STAU2: variants seen among roughly 807,000 people sequenced by gnomAD.
STAU2 encodes double-stranded RNA-binding protein Staufen homolog 2.
A neutral mutation model predicts 65.9 loss-of-function variants in STAU2; 20 were observed. The observed-to-expected ratio is 0.30, with a 90% CI of 0.21 to 0.44. The LOEUF is 0.44. Ranked by LOEUF, STAU2 falls within the 20% of genes least tolerant of loss-of-function variation. The pLI is 1.00. For missense variants in STAU2, 558 were observed against 683.9 expected, an observed-to-expected ratio of 0.82 and a Z score of 2.05; for synonymous variants, 232 against 233.9, an observed-to-expected ratio of 0.99 and a Z score of 0.07.
chr8:73,691,963 A>G (rs901365564), intron 4 of STAU2, among the ~76,000 whole-genome samples: 16 of 152,354 alleles, frequency 1.1e-4, no homozygotes, highest in African/African-American at 3.4e-4. Flanking sequence ...AGCCATGGTT[A>G]GAAACTTCAT....
rs181355186 is a variant in STAU2 at position 73,471,072 on chromosome 8, G to A, written c.1531-48370C>T. ...TTCCTCTAAATCAGTACTCCCTAAT[G>A]CTACTTTATAGTGAACTCGATTTTC... is the stretch of plus-strand genomic sequence containing the variant. On this transcript the variant is annotated intron_variant, in intron 13 of 14. Coordinates refer to ENST00000524300, the MANE Select transcript of STAU2 (RefSeq NM_001164380.2). Among the ~76,000 whole-genome samples, 156 of 151,634 alleles carry A rather than the reference G, an allele frequency of 1.0e-3. 1 individual carries two copies. Among genetic ancestry groups the A allele is most frequent in the African/African-American group, 3.6e-3 (149 of 41,314 alleles).
intron 3 of STAU2, 151 bp downstream of exon 3, chr8:73,738,133 C>T: frequency 1.4e-6 from 1 of 703,542 alleles, no homozygotes; most frequent in Non-Finnish European, 2.4e-6. Flanking sequence ...CTGCCCTACA[C>T]AGCCTCCAAT....
chr8:73,536,975 G>C (rs1353910339), intron 13 of STAU2, among the ~76,000 whole-genome samples: 2 of 152,186 alleles, frequency 1.3e-5, no homozygotes, highest in African/African-American at 4.8e-5. Flanking sequence ...AGATGTCACA[G>C]ATGATAGACT....
chr8:73,526,931 T>G (rs1805492569), intron 13 of STAU2, among the ~76,000 whole-genome samples: 1 of 152,208 alleles, frequency 6.6e-6, no homozygotes, highest in Non-Finnish European at 1.5e-5. Flanking sequence ...TGGGACTAAG[T>G]TGATGGTTCT....
chr8:73,582,898 G>C, intron 11 of STAU2, 68 bp from the exon 12 acceptor site: 1 of 1,456,472 alleles, frequency 6.9e-7, no homozygotes, highest in Non-Finnish European at 9.5e-7. Context: ...AAAAAAAGGT[G>C]ACCAATTAAG....
chr8:73,526,966 T>A (rs1805494408), intron 13 of STAU2, among the ~76,000 whole-genome samples: 1 of 152,234 alleles, frequency 6.6e-6, no homozygotes, highest in South Asian at 2.1e-4. Flanking sequence ...TTGTTCTACA[T>A]ACAGTCACAT....
At chr8:73,675,350 A>T (rs1817959973) in intron 5 of STAU2, 1 of 142,854 alleles carries the variant, frequency 7.0e-6, no homozygotes, top group Non-Finnish European at 1.5e-5. Flanking sequence ...CTGAAAGAGC[A>T]CAAATAAGAC....
At chr8:73,580,009 A>C (rs979076160) in intron 12 of STAU2, among the ~76,000 whole-genome samples, 1 of 152,164 alleles carries the variant, frequency 6.6e-6, no homozygotes, top group Non-Finnish European at 1.5e-5. Flanking sequence ...TTGTCTACTT[A>C]TAGTTAGGTG....
At chr8:73,653,728 G>A (rs1816082536) in intron 6 of STAU2, 1 of 188,876 alleles carries the variant, frequency 5.3e-6, no homozygotes, top group Admixed American at 6.4e-5. Flanking sequence ...AAGCTGCCCA[G>A]GAAAGCCTGA....
At chr8:73,542,706 A>G (rs1425344361) in intron 13 of STAU2, among the ~76,000 whole-genome samples, 1 of 152,188 alleles carries the variant, frequency 6.6e-6, no homozygotes, top group African/African-American at 2.4e-5. Flanking sequence ...CAATAAGCAC[A>G]TGAAATGAAG....
intron 4 of STAU2, among the ~76,000 whole-genome samples, chr8:73,701,318 A>T (rs752711964): frequency 2.0e-5 from 3 of 152,168 alleles, no homozygotes; most frequent in Non-Finnish European, 4.4e-5. Flanking sequence ...CAAAGGAAAC[A>T]GTCAACAAAG....
chr8:73,669,637 T>TTCTCTCTCTCTCTCTCTCTC (rs34037884), intron 6 of STAU2, among the ~76,000 whole-genome samples: 1 of 141,246 alleles, frequency 7.1e-6, no homozygotes, highest in Non-Finnish European at 1.5e-5. Context: ...GAGCCTGGAA[T>TTCTCTCTCTCTCTCTCTCTC]TCTCTCTCTC....
At chr8:73,554,952 G>T (rs1467640439) in intron 12 of STAU2, among the ~76,000 whole-genome samples, 2 of 152,110 alleles carry the variant, frequency 1.3e-5, no homozygotes, top group Admixed American at 6.6e-5. Context: ...TATTTCTATT[G>T]TTCGGTTACA....
intron 6 of STAU2, among the ~76,000 whole-genome samples, chr8:73,657,929 G>A (rs181698493): frequency 7.9e-5 from 12 of 151,982 alleles, no homozygotes; most frequent in East Asian, 1.9e-4. Flanking sequence ...CACAAGGATC[G>A]CTTGAACCCA....
intron 5 of STAU2, among the ~76,000 whole-genome samples, chr8:73,685,528 C>G (rs1178755049): frequency 6.6e-6 from 1 of 151,962 alleles, no homozygotes; most frequent in Non-Finnish European, 1.5e-5. Context: ...AGGGGCCCGC[C>G]ACTGCCCGGC....
intron 4 of STAU2, among the ~76,000 whole-genome samples, chr8:73,704,544 A>G (rs1350504723): frequency 6.6e-6 from 1 of 152,234 alleles, no homozygotes; most frequent in Non-Finnish European, 1.5e-5. Flanking sequence ...CTTATGAATG[A>G]ACAGACATAG....
At chr8:73,526,053 G>A (rs1006343973) in intron 13 of STAU2, among the ~76,000 whole-genome samples, 1 of 152,192 alleles carries the variant, frequency 6.6e-6, no homozygotes, top group Non-Finnish European at 1.5e-5. Context: ...GTAAAACCCT[G>A]AGAAGCACTG....
chr8:73,493,345 GAGACTAAGAGAAAAC>G (rs1340217183), intron 13 of STAU2, among the ~76,000 whole-genome samples: 8 of 151,676 alleles, frequency 5.3e-5, no homozygotes, highest in Admixed American at 3.3e-4. Context: ...GGAAGCCTAA[GAGACTAAGAGAAAAC>G]AGACTAAGAG....
At chr8:73,721,538 A>G (rs1416284344) in intron 3 of STAU2, among the ~76,000 whole-genome samples, 1 of 152,018 alleles carries the variant, frequency 6.6e-6, no homozygotes, top group African/African-American at 2.4e-5. Context: ...GGATTTCTCA[A>G]TTTCTCCTTG....
Sources: gnomAD v4.1 joint callset for allele counts (sites outside exome capture counted in the v4.1 genomes callset) on GRCh38, gnomAD v4.1.1 for gene constraint, MANE v1.5 for transcripts, NCBI Gene and HGNC (gene_info 2026-07-23, HGNC 2026-07-21) for gene names.